ZBTB7C: variants seen among roughly 807,000 people sequenced by gnomAD.
ZBTB7C encodes zinc finger and BTB domain-containing protein 7C.
Under a neutral mutation model 25.7 loss-of-function variants are expected in ZBTB7C, and 8 were observed. The ratio of observed to expected loss-of-function variants is 0.31; its 90% CI spans 0.18 to 0.56. ZBTB7C has a LOEUF of 0.56. Ranked by LOEUF, ZBTB7C falls within the 20% of genes least tolerant of loss-of-function variation. The pLI is 0.91. For missense variants in ZBTB7C, 824 were observed against 855.2 expected (o/e 0.96, Z 0.46); for synonymous variants, 394 against 369.0 (o/e 1.07, Z -0.78).
At chr18:48,403,882 G>A (rs766250505) in intron 1 of ZBTB7C, among the ~76,000 whole-genome samples, 2 of 151,344 alleles carry the variant, frequency 1.3e-5, no homozygotes, top group Non-Finnish European at 2.9e-5. Context: ...ATAATAAACA[G>A]GCCTATTTGG....
chr18:48,247,968 G>C (rs1317549522), intron 2 of ZBTB7C, among the ~76,000 whole-genome samples: 1 of 152,162 alleles, frequency 6.6e-6, no homozygotes, highest in African/African-American at 2.4e-5. Flanking sequence ...TTGAATCATG[G>C]GGGTGGTTCC....
chr18:48,039,664 C>G (rs537834907), intron 4 of ZBTB7C, among the ~76,000 whole-genome samples: 3 of 152,338 alleles, frequency 2.0e-5, no homozygotes, highest in Admixed American at 2.0e-4. Flanking sequence ...CCTGCTCTTA[C>G]CTGCTTCATG....
intron 3 of ZBTB7C, among the ~76,000 whole-genome samples, chr18:48,128,308 G>A (rs565163110): frequency 2.6e-5 from 4 of 152,316 alleles, no homozygotes; most frequent in Admixed American, 2.0e-4. Flanking sequence ...CACGATTAAA[G>A]TGGTCTAGGA....
At chr18:48,319,884 G>T (rs1298831897) in intron 2 of ZBTB7C, among the ~76,000 whole-genome samples, 1 of 152,096 alleles carries the variant, frequency 6.6e-6, no homozygotes, top group Non-Finnish European at 1.5e-5. Flanking sequence ...TAGTTCAAAA[G>T]CAGGGAAAAC....
chr18:48,206,556 A>T (rs1488886974), intron 2 of ZBTB7C, among the ~76,000 whole-genome samples: 1 of 152,206 alleles, frequency 6.6e-6, no homozygotes, highest in Non-Finnish European at 1.5e-5. Context: ...GCTACTCCAG[A>T]GGCTGAAGTG....
chr18:48,409,712 C>A (rs371438963), upstream of ZBTB7C, among the ~76,000 whole-genome samples: 52 of 152,128 alleles, frequency 3.4e-4, no homozygotes, highest in East Asian at 8.5e-3. Flanking sequence ...AGGCTGCGGG[C>A]GGGAGTCAGG....
chr18:48,075,719 G>C (rs1384710447), intron 3 of ZBTB7C, among the ~76,000 whole-genome samples: 1 of 152,164 alleles, frequency 6.6e-6, no homozygotes, highest in Admixed American at 6.5e-5. Flanking sequence ...AGGTAGAAAT[G>C]ACACGACACA....
chr18:48,029,246 C>A lies in ZBTB7C; in HGVS notation c.*14G>T. On this transcript the variant is annotated 3_prime_UTR_variant, in exon 5 of 5. Transcript: ENST00000590800. ...GACTGGAGGGCTGGTGGGCTGGAGC[C>A]GACAGGGACCAGCCTAGTTGTTGGC... 3 of 1,531,178 alleles carry A rather than the reference C, an allele frequency of 2.0e-6. No individual in the cohort carries two copies. The highest frequency in any genetic ancestry group is 2.6e-6 in the Non-Finnish European group (3 of 1,147,420). 94.8% of individuals were successfully genotyped at this position (1,531,178 alleles called of 1,614,324 possible).
At chr18:48,177,023 G>A (rs2041701948) in intron 3 of ZBTB7C, among the ~76,000 whole-genome samples, 1 of 152,230 alleles carries the variant, frequency 6.6e-6, no homozygotes, top group African/African-American at 2.4e-5. Context: ...GCAAGAACTT[G>A]GCCCAGGCCC....
intron 3 of ZBTB7C, among the ~76,000 whole-genome samples, chr18:48,146,739 G>A (rs1020353708): frequency 1.3e-5 from 2 of 152,164 alleles, no homozygotes; most frequent in Non-Finnish European, 2.9e-5. Context: ...AATGTTATTT[G>A]TATATTTCAG....
At chr18:48,335,484 G>A (rs1310649709) in intron 2 of ZBTB7C, among the ~76,000 whole-genome samples, 3 of 152,146 alleles carry the variant, frequency 2.0e-5, no homozygotes, top group Non-Finnish European at 2.9e-5. Context: ...TGGAGTCAGG[G>A]CTGGTTCCAG....
intron 2 of ZBTB7C, among the ~76,000 whole-genome samples, chr18:48,246,402 C>T (rs2043694934): frequency 6.6e-6 from 1 of 151,158 alleles, no homozygotes; most frequent in African/African-American, 2.4e-5. Flanking sequence ...TGCACTCCAG[C>T]CTGGGCAAGA....
chr18:48,052,229 A>G (rs551254294), intron 3 of ZBTB7C, among the ~76,000 whole-genome samples: 1 of 152,270 alleles, frequency 6.6e-6, no homozygotes, highest in African/African-American at 2.4e-5. Flanking sequence ...GCTGTGGTGG[A>G]AGGGTGGGAC....
chr18:48,365,664 A>G (rs1053562940), intron 1 of ZBTB7C, among the ~76,000 whole-genome samples: 4 of 152,148 alleles, frequency 2.6e-5, no homozygotes, highest in African/African-American at 4.8e-5. Flanking sequence ...AAAGCATGGG[A>G]CCCAACTATG....
intron 1 of ZBTB7C, among the ~76,000 whole-genome samples, chr18:48,364,684 C>A (rs2047183635): frequency 6.6e-6 from 1 of 152,140 alleles, no homozygotes; most frequent in Non-Finnish European, 1.5e-5. Flanking sequence ...CAAAAGGATA[C>A]AGTGAAAAGT....
chr18:48,262,315 G>C (rs2044194755), intron 2 of ZBTB7C, among the ~76,000 whole-genome samples: 1 of 152,148 alleles, frequency 6.6e-6, no homozygotes, highest in African/African-American at 2.4e-5. Context: ...GAAGGATGAA[G>C]TACTTGGAAG....
At chr18:48,113,278 C>A (rs910211747) in intron 3 of ZBTB7C, among the ~76,000 whole-genome samples, 1 of 152,172 alleles carries the variant, frequency 6.6e-6, no homozygotes, top group Admixed American at 6.5e-5. Context: ...GGAGATAATA[C>A]CCCCTGGTCT....
chr18:48,153,754 T>C (rs925358544), intron 3 of ZBTB7C, among the ~76,000 whole-genome samples: 1 of 152,246 alleles, frequency 6.6e-6, no homozygotes, highest in African/African-American at 2.4e-5. Flanking sequence ...TATATCTTTT[T>C]GGAATTTGGC....
At chr18:48,269,959 T>C (rs1458941957) in intron 2 of ZBTB7C, among the ~76,000 whole-genome samples, 1 of 152,168 alleles carries the variant, frequency 6.6e-6, no homozygotes, top group Non-Finnish European at 1.5e-5. Context: ...GCTAATGTTG[T>C]TACAACGACA....
Sources: gnomAD v4.1 joint callset for allele counts (sites outside exome capture counted in the v4.1 genomes callset) on GRCh38, gnomAD v4.1.1 for gene constraint, MANE v1.5 for transcripts, NCBI Gene and HGNC (gene_info 2026-07-23, HGNC 2026-07-21) for gene names.